The following THSD4 variants were observed in gnomAD, a reference collection of about 807,000 sequenced individuals.
The protein encoded by THSD4 is thrombospondin type-1 domain-containing protein 4.
Under a neutral mutation model 119.0 loss-of-function variants are expected in THSD4, and 69 were observed. That is an observed-to-expected ratio of 0.58 (90% CI 0.48 to 0.71). The LOEUF (loss-of-function observed/expected upper bound fraction) is 0.71. Ranked by LOEUF, THSD4 falls within the 30% of genes least tolerant of loss-of-function variation. The pLI is 0.00. For missense variants in THSD4, 1,393 were observed against 1,391.1 expected (o/e 1.00, Z -0.02); for synonymous variants, 524 against 540.4 (o/e 0.97, Z 0.42).
intron 8 of THSD4, among the ~76,000 whole-genome samples, chr15:71,727,587 T>TACACAC (rs367823728): frequency 1.9e-3 from 18 of 9,252 alleles, no homozygotes; most frequent in Middle Eastern, 0.038. Flanking sequence ...TATATATATA[T>TACACAC]ACACACACAC....
intron 7 of THSD4, among the ~76,000 whole-genome samples, chr15:71,421,714 A>G (rs2046810654): frequency 2.6e-5 from 4 of 152,052 alleles, no homozygotes; most frequent in Admixed American, 2.6e-4. Context: ...TATTTTTCCC[A>G]GGTTTGGGGA....
At chr15:71,429,703 G>C (rs920552) in intron 7 of THSD4, among the ~76,000 whole-genome samples, 95,767 of 152,002 alleles carry the variant, frequency 0.63, 30,503 homozygotes, top group Middle Eastern at 0.73. Flanking sequence ...TGAGCTCAGA[G>C]TTTCCTGGAC....
At chr15:71,372,076 A>C (rs1008228292) in intron 6 of THSD4, among the ~76,000 whole-genome samples, 40 of 152,352 alleles carry the variant, frequency 2.6e-4, no homozygotes, top group Middle Eastern at 3.4e-3. Context: ...CGAATTGGTT[A>C]CTGAAGCTTG....
At chr15:71,518,173 C>T (rs1338553663) in intron 7 of THSD4, among the ~76,000 whole-genome samples, 1 of 152,126 alleles carries the variant, frequency 6.6e-6, no homozygotes, top group African/African-American at 2.4e-5. Context: ...GAAAGTTTCC[C>T]TTACTTCTTG....
chr15:71,480,446 A>T (rs1414758007), intron 7 of THSD4, among the ~76,000 whole-genome samples: 1 of 152,252 alleles, frequency 6.6e-6, no homozygotes, highest in Non-Finnish European at 1.5e-5. Flanking sequence ...AATTTATTAA[A>T]TTCCCTATTT....
chr15:71,217,789 CT>C (rs11413853), intron 4 of THSD4, among the ~76,000 whole-genome samples: 1,815 of 137,674 alleles, frequency 0.013, 10 homozygotes, highest in Non-Finnish European at 0.019. Context: ...AGGCACTGTT[CT>C]TTTTTTTTTT....
intron 7 of THSD4, among the ~76,000 whole-genome samples, chr15:71,440,365 A>G (rs1215397815): frequency 1.3e-5 from 2 of 152,232 alleles, no homozygotes; most frequent in Non-Finnish European, 2.9e-5. Flanking sequence ...GGCCTAATTT[A>G]AATACTTCAC....
intron 6 of THSD4, among the ~76,000 whole-genome samples, chr15:71,284,779 T>C (rs17786206): frequency 0.15 from 22,779 of 152,122 alleles, 2,037 homozygotes; most frequent in Middle Eastern, 0.29. Context: ...AAATAATTCA[T>C]TGTATCCAGG....
chr15:71,286,837 T>C (rs2044723903), intron 6 of THSD4, among the ~76,000 whole-genome samples: 1 of 152,216 alleles, frequency 6.6e-6, no homozygotes, highest in Non-Finnish European at 1.5e-5. Flanking sequence ...ACTTTGATAA[T>C]AGCCATTCTG....
In THSD4 at chr15:71,416,769, T is replaced by G. The variant is rs1334480806; in HGVS notation, c.1152+4946T>G. On this transcript the variant is annotated intron_variant, in intron 7 of 17. Transcript: ENST00000261862. Reference sequence around the variant, plus strand: ...TTGTTTTATTTTATTTTATTTTATTTTATTTTCGAGATGGAGTCTCACTCT... The same window carrying G: ...TTGTTTTATTTTATTTTATTTTATTGTATTTTCGAGATGGAGTCTCACTCT... Among the ~76,000 whole-genome samples the G allele has an allele frequency of 2.0e-5, 2 of 97,798 alleles. 1 individual carries two copies. The highest frequency in any genetic ancestry group is 4.4e-5 in the Non-Finnish European group (2 of 45,832). 64.2% of individuals were successfully genotyped at this position (97,798 alleles called of 152,430 possible).
At chr15:71,273,973 C>T (rs965066910) in intron 6 of THSD4, among the ~76,000 whole-genome samples, 8 of 152,180 alleles carry the variant, frequency 5.3e-5, no homozygotes, top group Admixed American at 2.6e-4. Context: ...CATTAGTGTG[C>T]TGCTGCTGCA....
intron 15 of THSD4, among the ~76,000 whole-genome samples, chr15:71,762,150 A>AACACACACACACACACACACAC (rs72267245): frequency 3.6e-5 from 4 of 112,308 alleles, no homozygotes; most frequent in African/African-American, 1.0e-4. Context: ...CGCGTGTGCA[A>AACACACACACACACACACACAC]ACACACACAC....
intron 6 of THSD4, among the ~76,000 whole-genome samples, chr15:71,401,979 AT>A (rs1215231215): frequency 3.9e-5 from 6 of 152,070 alleles, no homozygotes; most frequent in Non-Finnish European, 7.3e-5. Context: ...GGAAACCATC[AT>A]TCTGAGCAAA....
At chr15:71,543,507 G>A (rs375842358) in intron 7 of THSD4, among the ~76,000 whole-genome samples, 5 of 152,288 alleles carry the variant, frequency 3.3e-5, no homozygotes, top group African/African-American at 1.2e-4. Context: ...ATGAAAAAGC[G>A]AGGGAGTGGG....
At chr15:71,397,899 C>T (rs1015256760) in intron 6 of THSD4, among the ~76,000 whole-genome samples, 2 of 152,180 alleles carry the variant, frequency 1.3e-5, no homozygotes, top group Non-Finnish European at 1.5e-5. Context: ...TGCAAGCACT[C>T]TAGCCAGGTT....
rs377745486 is a variant in THSD4, at chr15:71,745,120, A to G, written c.1921A>G (p.Ile641Val). The G allele has an allele frequency of 1.6e-5, 26 of 1,611,044 alleles. No individual in the cohort carries two copies. In the African/African-American group the frequency reaches 2.4e-4, roughly 15 times the overall value. Residue 641 changes from isoleucine (I) to valine (V), a missense_variant, in exon 12 of 18, where the codon ATT becomes GTT. Physicochemically the swap from Ile to Val is conservative, Grantham distance 29. Transcript: ENST00000261862. ...TTCGKGSQYPIFRCVHRSTHE... is the reference protein window; with the variant it reads ...TTCGKGSQYPVFRCVHRSTHE... ...TGTTGTTGCAGGATCGCAGTACCCTATTTTCCGCTGTGTGCACAGAAGCAC... is the reference window on the plus strand; with the variant it reads ...TGTTGTTGCAGGATCGCAGTACCCTGTTTTCCGCTGTGTGCACAGAAGCAC...
chr15:71,611,753 C>A (rs538456638), intron 7 of THSD4, among the ~76,000 whole-genome samples: 1 of 152,258 alleles, frequency 6.6e-6, no homozygotes, highest in South Asian at 2.1e-4. Context: ...GTTTGCCAAG[C>A]GAATGAGGAC....
intron 6 of THSD4, among the ~76,000 whole-genome samples, chr15:71,274,384 C>G (rs938777382): frequency 6.6e-6 from 1 of 152,112 alleles, no homozygotes; most frequent in African/African-American, 2.4e-5. Context: ...ATTGTACAGA[C>G]AAGACCTGTG....
chr15:71,310,859 G>A (rs1215120083), intron 6 of THSD4, among the ~76,000 whole-genome samples: 2 of 152,160 alleles, frequency 1.3e-5, no homozygotes, highest in Admixed American at 6.5e-5. Context: ...AGACAGGGGG[G>A]CAGGAGAATG....
Sources: allele counts gnomAD v4.1 joint callset (sites outside exome capture counted in the v4.1 genomes callset), GRCh38; gene constraint gnomAD v4.1.1; transcripts MANE v1.5; gene names NCBI Gene and HGNC (gene_info 2026-07-23, HGNC 2026-07-21).